The following PIK3C2G variants were observed in gnomAD, a reference collection of about 807,000 sequenced individuals.
PIK3C2G encodes the protein phosphatidylinositol 3-kinase C2 domain-containing subunit gamma.
Under a neutral mutation model 181.1 loss-of-function variants are expected in PIK3C2G, and 168 were observed. The observed-to-expected ratio is 0.93, with a 90% CI of 0.82 to 1.05. PIK3C2G has a LOEUF of 1.05. Ranked by LOEUF, PIK3C2G falls within the 50% of genes least tolerant of loss-of-function variation. The pLI is 0.00. For synonymous variants in PIK3C2G, 573 were observed against 592.2 expected, an observed-to-expected ratio of 0.97 and a Z score of 0.47; for missense variants, 1,869 against 1,732.8, an observed-to-expected ratio of 1.08 and a Z score of -1.40.
intron 31 of PIK3C2G, among the ~76,000 whole-genome samples, chr12:18,629,439 C>T: frequency 6.6e-6 from 1 of 152,000 alleles, no homozygotes; most frequent in Non-Finnish European, 1.5e-5. Context: ...GGTGATGAGG[C>T]ATATCACAGA....
chr12:18,315,627 T>G (rs1434970986), intron 6 of PIK3C2G, among the ~76,000 whole-genome samples: 1 of 152,190 alleles, frequency 6.6e-6, no homozygotes, highest in East Asian at 1.9e-4. Flanking sequence ...CTATCACATT[T>G]AATCTTTTCA....
intron 11 of PIK3C2G, among the ~76,000 whole-genome samples, chr12:18,351,824 T>C (rs1940243812): frequency 6.6e-6 from 1 of 152,184 alleles, no homozygotes; most frequent in African/African-American, 2.4e-5. Flanking sequence ...GGAATTATGT[T>C]CTGAGAAATG....
Position 18,340,993 on chromosome 12 carries a change from A to C in PIK3C2G, c.1396-2334A>C, listed in dbSNP as rs182127857. 1.2e-4 allele frequency among the ~76,000 whole-genome samples: 19 copies of C among 152,268 alleles called. No homozygotes were observed. In the East Asian group the frequency reaches 3.5e-3, roughly 28 times the overall value. ...GACAAATATGAACCACTGCCAGAGG[A>C]GGAAACCAGATGTGTGGATGTCGAC... On this transcript the variant is annotated intron_variant, in intron 9 of 32. Transcript: ENST00000538779.
At chr12:18,428,949 T>A (rs1945995419) in intron 18 of PIK3C2G, among the ~76,000 whole-genome samples, 1 of 152,214 alleles carries the variant, frequency 6.6e-6, no homozygotes, top group African/African-American at 2.4e-5. Context: ...TAGGAAACAC[T>A]TTAACCACTA....
chr12:18,631,110 G>A (rs1055599044), intron 31 of PIK3C2G, among the ~76,000 whole-genome samples: 2 of 152,128 alleles, frequency 1.3e-5, no homozygotes, highest in Non-Finnish European at 2.9e-5. Flanking sequence ...GTATTGATGA[G>A]GAGACAGCTA....
the PIK3C2G span, among the ~76,000 whole-genome samples, chr12:18,687,548 A>G: frequency 1.3e-5 from 2 of 152,274 alleles, no homozygotes; most frequent in Admixed American, 1.3e-4. Flanking sequence ...TGCCAGAATG[A>G]TGAAAATCTT....
the PIK3C2G span, among the ~76,000 whole-genome samples, chr12:18,668,375 G>T: frequency 6.6e-6 from 1 of 152,124 alleles, no homozygotes; most frequent in African/African-American, 2.4e-5. Context: ...CCCTTTTGAG[G>T]TGATTAAGGG....
intron 7 of PIK3C2G, among the ~76,000 whole-genome samples, chr12:18,323,683 G>A (rs1951207179): frequency 6.6e-6 from 1 of 151,588 alleles, no homozygotes; most frequent in African/African-American, 2.4e-5. Context: ...GGGATACAAT[G>A]CTTCCCTGCC....
rs78255238 is a variant in PIK3C2G at position 18,497,147 on chromosome 12, A to G, written c.2887-472A>G. ...TTGAGAAATCACTGATTTAAAGTCT[A>G]ATCAATCATATGGATGCTATTTATA... On this transcript the variant is annotated intron_variant, in intron 21 of 32. Transcript: ENST00000538779. Among the ~76,000 whole-genome samples, 998 of 152,304 alleles carry G rather than the reference A, an allele frequency of 6.6e-3. 11 individuals carry two copies. The highest frequency in any genetic ancestry group is 0.023 in the African/African-American group (971 of 41,560).
At chr12:18,547,717 G>T (rs1037133222) in intron 26 of PIK3C2G, among the ~76,000 whole-genome samples, 1 of 151,944 alleles carries the variant, frequency 6.6e-6, no homozygotes, top group Admixed American at 6.6e-5. Flanking sequence ...CCTTAAGGGA[G>T]TCCAGCAGGT....
chr12:18,546,939 T>A (rs1944462619), intron 26 of PIK3C2G, among the ~76,000 whole-genome samples: 1 of 152,008 alleles, frequency 6.6e-6, no homozygotes, highest in African/African-American at 2.4e-5. Context: ...ATGATGAATA[T>A]CAGACCCCAA....
chr12:18,268,948 T>C (rs1458244108), intron 1 of PIK3C2G, among the ~76,000 whole-genome samples: 2 of 152,038 alleles, frequency 1.3e-5, no homozygotes, highest in Non-Finnish European at 2.9e-5. Flanking sequence ...CGAGTCTCAC[T>C]CTGTCACTCA....
chr12:18,686,301 C>T, the PIK3C2G span, among the ~76,000 whole-genome samples: 65,866 of 151,786 alleles, frequency 0.43, 14,773 homozygotes, highest in East Asian at 0.55. Flanking sequence ...TATAGCCCTA[C>T]TTAAAAGTCT....
intron 10 of PIK3C2G, among the ~76,000 whole-genome samples, chr12:18,345,723 T>C (rs1303920417): frequency 6.6e-6 from 1 of 152,092 alleles, no homozygotes; most frequent in Non-Finnish European, 1.5e-5. Context: ...TTCTTTTAAT[T>C]TTTTTTTACT....
At chr12:18,694,977 C>T in the PIK3C2G span, 1 of 1,609,280 alleles carries the variant, frequency 6.2e-7, no homozygotes, top group Non-Finnish European at 8.5e-7. Context: ...TTTACTCTCT[C>T]TTAAGAAATG....
chr12:18,245,196 T>A (rs1284697055), upstream of PIK3C2G, among the ~76,000 whole-genome samples: 1 of 152,068 alleles, frequency 6.6e-6, no homozygotes, highest in East Asian at 1.9e-4. Flanking sequence ...ATAGTCTATT[T>A]TATATAATTC....
intron 26 of PIK3C2G, among the ~76,000 whole-genome samples, chr12:18,552,862 T>A (rs1944805027): frequency 6.6e-6 from 1 of 152,120 alleles, no homozygotes; most frequent in Admixed American, 6.6e-5. Context: ...TTGCCTAAAT[T>A]GCCTAAATTC....
At chr12:18,614,336 C>T (rs1948493330) in intron 31 of PIK3C2G, among the ~76,000 whole-genome samples, 1 of 152,072 alleles carries the variant, frequency 6.6e-6, no homozygotes, top group African/African-American at 2.4e-5. Context: ...CATTGACCCT[C>T]AAAGATGACC....
At chr12:18,402,584 C>T (rs567148561) in intron 16 of PIK3C2G, among the ~76,000 whole-genome samples, 8 of 152,038 alleles carry the variant, frequency 5.3e-5, no homozygotes, top group Non-Finnish European at 1.0e-4. Context: ...ATGAATCTCT[C>T]TAATATCTTT....
Sources: gnomAD v4.1 joint callset for allele counts (sites outside exome capture counted in the v4.1 genomes callset) on GRCh38, gnomAD v4.1.1 for gene constraint, MANE v1.5 for transcripts, NCBI Gene and HGNC (gene_info 2026-07-23, HGNC 2026-07-21) for gene names.